Variants in TBC1D5 observed in about 807,000 individuals in gnomAD.
TBC1D5 encodes the protein TBC1 domain family, member 5.
Under a neutral mutation model 100.3 loss-of-function variants are expected in TBC1D5, and 75 were observed. That is an observed-to-expected ratio of 0.75 (90% CI 0.62 to 0.91). The LOEUF is 0.91. TBC1D5 is among the 40% of genes least tolerant of loss of function. The pLI is 0.00. For missense variants in TBC1D5, 910 were observed against 942.4 expected (o/e 0.97, Z 0.45); for synonymous variants, 323 against 325.6 (o/e 0.99, Z 0.09).
chr3:17,720,087 T>TA (rs1302137704), intron 1 of TBC1D5, among the ~76,000 whole-genome samples: 3 of 152,224 alleles, frequency 2.0e-5, no homozygotes, highest in Non-Finnish European at 2.9e-5. Context: ...TTAAAACACT[T>TA]AACATGTTTA....
intron 14 of TBC1D5, among the ~76,000 whole-genome samples, chr3:17,303,733 A>C (rs1218288806): frequency 6.6e-6 from 1 of 150,758 alleles, no homozygotes; most frequent in African/African-American, 2.4e-5. Context: ...CTCTTTATAC[A>C]TCTTAAACCA....
intron 18 of TBC1D5, among the ~76,000 whole-genome samples, chr3:17,211,299 C>T (rs931111619): frequency 6.6e-6 from 1 of 152,184 alleles, no homozygotes; most frequent in Non-Finnish European, 1.5e-5. Context: ...CTAGAGAAAA[C>T]CCTTCCAAAT....
chr3:17,588,282 G>A (rs2096745233), intron 2 of TBC1D5, among the ~76,000 whole-genome samples: 3 of 149,780 alleles, frequency 2.0e-5, no homozygotes, highest in Non-Finnish European at 3.0e-5. Context: ...GAACACTATG[G>A]GCAGAATTAG....
chr3:17,276,856 T>C (rs1346834555), intron 15 of TBC1D5, among the ~76,000 whole-genome samples: 1 of 152,168 alleles, frequency 6.6e-6, no homozygotes, highest in East Asian at 1.9e-4. Flanking sequence ...GCCACCTGCA[T>C]CCCTGATCAT....
intron 2 of TBC1D5, among the ~76,000 whole-genome samples, chr3:17,608,901 T>C (rs1227175997): frequency 1.3e-5 from 2 of 152,222 alleles, no homozygotes; most frequent in Admixed American, 1.3e-4. Flanking sequence ...AGTATCACTT[T>C]GTAGCTGCCA....
chr3:17,705,481 A>C (rs1163670729), intron 1 of TBC1D5, among the ~76,000 whole-genome samples: 1 of 146,638 alleles, frequency 6.8e-6, no homozygotes, highest in Non-Finnish European at 1.5e-5. Flanking sequence ...GGGGCTCCTC[A>C]CTTCTCAGAC....
intron 8 of TBC1D5, among the ~76,000 whole-genome samples, chr3:17,397,085 A>AC (rs1451256257): frequency 6.6e-6 from 1 of 152,114 alleles, no homozygotes; most frequent in Non-Finnish European, 1.5e-5. Flanking sequence ...TTAAACAGCC[A>AC]CATATGCCTG....
At chr3:17,630,286 C>T (rs537200659) in intron 1 of TBC1D5, among the ~76,000 whole-genome samples, 46 of 152,244 alleles carry the variant, frequency 3.0e-4, no homozygotes, top group Non-Finnish European at 1.2e-4. Context: ...TACAAATGTA[C>T]GTTTGTGGTA....
intron 1 of TBC1D5, chr3:17,646,831 T>C (rs2065062768): frequency 6.6e-6 from 1 of 152,168 alleles, no homozygotes; most frequent in South Asian, 2.1e-4. Context: ...GGGCTTCTAG[T>C]GCACCCATCA....
At chr3:17,244,996 G>A (rs1387181540) in intron 16 of TBC1D5, among the ~76,000 whole-genome samples, 1 of 148,006 alleles carries the variant, frequency 6.8e-6, no homozygotes, top group Non-Finnish European at 1.5e-5. Context: ...GACCAGCCTG[G>A]GCGATATAGT....
At chr3:17,270,302 C>T (rs1050513836) in intron 15 of TBC1D5, among the ~76,000 whole-genome samples, 11 of 152,028 alleles carry the variant, frequency 7.2e-5, no homozygotes, top group African/African-American at 2.4e-4. Context: ...CTTTTGAGAA[C>T]TGTCTGTTCA....
intron 8 of TBC1D5, among the ~76,000 whole-genome samples, chr3:17,390,995 T>C (rs1278482816): frequency 6.6e-6 from 1 of 151,988 alleles, no homozygotes; most frequent in African/African-American, 2.4e-5. Flanking sequence ...TGCTAGCCAA[T>C]GGAATGAGAG....
chr3:17,608,206 G>A (rs751791048), intron 2 of TBC1D5, among the ~76,000 whole-genome samples: 2 of 152,102 alleles, frequency 1.3e-5, no homozygotes, highest in African/African-American at 2.4e-5. Flanking sequence ...GTGGTGAGCC[G>A]AGTTCTTGCC....
chr3:17,400,189 G>T (rs1280649672), intron 8 of TBC1D5, among the ~76,000 whole-genome samples: 4 of 152,000 alleles, frequency 2.6e-5, no homozygotes, highest in Admixed American at 2.6e-4. Flanking sequence ...GGCAATTATG[G>T]AACATAGCGA....
At chr3:17,454,754 C>T (rs1163434599) in intron 3 of TBC1D5, among the ~76,000 whole-genome samples, 1 of 152,022 alleles carries the variant, frequency 6.6e-6, no homozygotes, top group Non-Finnish European at 1.5e-5. Context: ...GCCACCGTGG[C>T]CCAGTCAAAA....
intron 1 of TBC1D5, among the ~76,000 whole-genome samples, chr3:17,663,351 GA>G (rs968741921): frequency 6.7e-6 from 1 of 148,904 alleles, no homozygotes; most frequent in Non-Finnish European, 1.5e-5. Context: ...ATCAAACACA[GA>G]AAAAAAATAC....
At chr3:17,714,879 T>G (rs2075087625) in intron 1 of TBC1D5, among the ~76,000 whole-genome samples, 3 of 152,180 alleles carry the variant, frequency 2.0e-5, no homozygotes, top group Admixed American at 2.0e-4. Context: ...CTTAATAGTG[T>G]TGATCCCCAT....
At chr3:17,527,239 G>A (rs929369728) in intron 2 of TBC1D5, among the ~76,000 whole-genome samples, 1 of 152,286 alleles carries the variant, frequency 6.6e-6, no homozygotes, top group Admixed American at 6.5e-5. Flanking sequence ...AGAAAGTGTA[G>A]TCTTAGGAAG....
chr3:17,572,871 G>C (rs1231954141), intron 2 of TBC1D5, among the ~76,000 whole-genome samples: 1 of 151,918 alleles, frequency 6.6e-6, no homozygotes, highest in Non-Finnish European at 1.5e-5. Flanking sequence ...TTTATCCAAG[G>C]ACTTCTCCTT....
Sources: allele counts gnomAD v4.1 joint callset (sites outside exome capture counted in the v4.1 genomes callset), GRCh38; gene constraint gnomAD v4.1.1; transcripts MANE v1.5; gene names NCBI Gene and HGNC (gene_info 2026-07-23, HGNC 2026-07-21).